SATB2: variants seen among roughly 807,000 people sequenced by gnomAD.
SATB2 encodes SATB homeobox 2.
In SATB2, 1 loss-of-function variant was observed where a neutral mutation model predicts 73.4. That is an observed-to-expected ratio of 0.01 (90% CI 0.00 to 0.06). The LOEUF (loss-of-function observed/expected upper bound fraction) is 0.06, where lower values mean the gene tolerates loss of function less well. Ranked by LOEUF, SATB2 falls within the 10% of genes least tolerant of loss-of-function variation. The pLI is 1.00. For missense variants in SATB2, 459 were observed against 945.8 expected, an observed-to-expected ratio of 0.49 and a Z score of 6.75; for synonymous variants, 397 against 367.0, an observed-to-expected ratio of 1.08 and a Z score of -0.93.
At chr2:199,283,123 G>A (rs532882953) in intron 10 of SATB2, among the ~76,000 whole-genome samples, 181 of 144,762 alleles carry the variant, frequency 1.3e-3, no homozygotes, top group African/African-American at 4.4e-3. Context: ...TCACTCTGTC[G>A]CCCAGGCTGG....
At chr2:199,309,327 G>T (rs1687529217) in intron 9 of SATB2, among the ~76,000 whole-genome samples, 1 of 152,206 alleles carries the variant, frequency 6.6e-6, no homozygotes, top group South Asian at 2.1e-4. Flanking sequence ...TGCTAAGAGT[G>T]AAGATAAACA....
intron 10 of SATB2, among the ~76,000 whole-genome samples, chr2:199,307,051 GC>G (rs1034626630): frequency 1.1e-4 from 17 of 151,912 alleles, no homozygotes; most frequent in African/African-American, 4.1e-4. Flanking sequence ...CAAGTCCTTG[GC>G]CTTGTGTTGG....
chr2:199,285,780 C>T (rs6748309), intron 10 of SATB2, among the ~76,000 whole-genome samples: 151,230 of 151,504 alleles, frequency 1, 75,479 homozygotes, highest in Middle Eastern at 1. Context: ...TGGCAGTCAA[C>T]AAAAGAAGAC....
rs766538501 is a variant in SATB2 at position 199,271,016 on chromosome 2, G to C, written c.*1195C>G. On this transcript the variant is annotated 3_prime_UTR_variant, in exon 11 of 11. Transcript: ENST00000417098. ...ATGTCTTTTGGGAGAGGGAAGGATGGAGATTTATTTGAGAGGGAGCCCCTT... is the reference window on the plus strand; with the variant it reads ...ATGTCTTTTGGGAGAGGGAAGGATGCAGATTTATTTGAGAGGGAGCCCCTT... 6.6e-6 allele frequency: 1 copy of C among 152,336 alleles called. No homozygotes were observed. The highest frequency in any genetic ancestry group is 1.5e-5 in the Non-Finnish European group (1 of 68,048). The allele number at this position is 152,336 out of a possible 1,614,324, so 9.4% of individuals were successfully genotyped here.
chr2:199,461,869 G>A (rs895944323), upstream of SATB2, among the ~76,000 whole-genome samples: 8 of 152,086 alleles, frequency 5.3e-5, no homozygotes, highest in Non-Finnish European at 8.8e-5. Flanking sequence ...CTCTAATGAC[G>A]TTTCTTGATT....
At chr2:199,332,324 G>A (rs1688212298) in intron 7 of SATB2, among the ~76,000 whole-genome samples, 1 of 152,056 alleles carries the variant, frequency 6.6e-6, no homozygotes, top group African/African-American at 2.4e-5. Context: ...ATCTGCACAA[G>A]GTAGAGAGAT....
At chr2:199,292,228 C>A (rs1017040621) in intron 10 of SATB2, among the ~76,000 whole-genome samples, 16 of 152,272 alleles carry the variant, frequency 1.1e-4, no homozygotes, top group Admixed American at 1.0e-3. Flanking sequence ...TAAAGGAAAT[C>A]TCTAAGGTCA....
rs187351448 is a variant in SATB2, at chr2:199,279,911, C to T, written c.1741-7239G>A. Among the ~76,000 whole-genome samples, 16 of 152,286 alleles carry T rather than the reference C, an allele frequency of 1.1e-4. No individual in the cohort carries two copies. The South Asian group carries it at 2.7e-3, about 26-fold the overall frequency. ...ATCCCAACACTTTGGGAGGCCAAGG[C>T]GGGCGGATCACTTGAGTTCAGGAGT... On this transcript the variant is annotated intron_variant, in intron 10 of 10. Coordinates refer to ENST00000417098, the MANE Select transcript of SATB2 (RefSeq NM_001172509.2).
chr2:199,280,554 T>G (rs1273891054), intron 10 of SATB2, among the ~76,000 whole-genome samples: 1 of 152,092 alleles, frequency 6.6e-6, no homozygotes, highest in Non-Finnish European at 1.5e-5. Context: ...AAGGAACATA[T>G]CTGAGAAAGA....
rs1265520683 is a variant in SATB2 at position 199,328,745 on chromosome 2, T to C, written c.1339A>G (p.Met447Val). The C allele has an allele frequency of 1.9e-6, 3 of 1,613,780 alleles. No homozygotes were observed. The highest frequency in any genetic ancestry group is 2.5e-6 in the Non-Finnish European group (3 of 1,179,932). ...GGACTGCTGGAGGCCGAGGAGACCA[T>C]GCTCACATTGGGATTCATGCTCCGC... ...RERSMNPNVS[M>V]VSSASSSPSS... Residue 447 changes from methionine (M) to valine (V), a missense_variant, in exon 8 of 11, where the codon ATG becomes GTG. Around this residue, in one of 13 missense-constraint regions of SATB2, gnomAD observed 53 missense variants for 70.5 expected, o/e 0.75. Transcript: ENST00000417098.
chr2:199,470,601 T>G (rs1186407745), intron 1 of SATB2: 1 of 152,372 alleles, frequency 6.6e-6, no homozygotes, highest in Non-Finnish European at 1.5e-5. Flanking sequence ...GTATGGCTGC[T>G]ATACACCAAC....
At chr2:199,334,274 T>C (rs1052938257) in intron 7 of SATB2, among the ~76,000 whole-genome samples, 1 of 152,206 alleles carries the variant, frequency 6.6e-6, no homozygotes, top group African/African-American at 2.4e-5. Context: ...TCCCCTCATA[T>C]TATATTTTAA....
intron 2 of SATB2, among the ~76,000 whole-genome samples, chr2:199,441,185 C>A (rs777892006): frequency 6.6e-6 from 1 of 151,978 alleles, no homozygotes; most frequent in Non-Finnish European, 1.5e-5. Flanking sequence ...GCCATACATA[C>A]AATAATTCAA....
intron 3 of SATB2, among the ~76,000 whole-genome samples, chr2:199,400,991 C>T (rs1437630742): frequency 6.6e-6 from 1 of 152,130 alleles, no homozygotes; most frequent in African/African-American, 2.4e-5. Context: ...AGGCCTGACT[C>T]AACTAATTCA....
chr2:199,397,919 A>G, intron 3 of SATB2: 1 of 279,152 alleles, frequency 3.6e-6, no homozygotes, highest in Non-Finnish European at 7.4e-6. Flanking sequence ...GTAGTTTAGC[A>G]GAGTGCTATG....
At chr2:199,419,902 GA>G (rs901857529) in intron 3 of SATB2, among the ~76,000 whole-genome samples, 2 of 151,706 alleles carry the variant, frequency 1.3e-5, no homozygotes, top group Non-Finnish European at 2.9e-5. Context: ...ACCCCCTGAA[GA>G]AAAAAATAAA....
chr2:199,382,880 C>A (rs911989179), intron 3 of SATB2, among the ~76,000 whole-genome samples: 3 of 152,110 alleles, frequency 2.0e-5, no homozygotes, highest in Non-Finnish European at 4.4e-5. Context: ...TCCAACTACA[C>A]TGTTCTTTAA....
At chr2:199,451,623 A>G (rs1175553797) in intron 2 of SATB2, among the ~76,000 whole-genome samples, 1 of 152,056 alleles carries the variant, frequency 6.6e-6, no homozygotes, top group Non-Finnish European at 1.5e-5. Flanking sequence ...ACCTATCTAT[A>G]CTTTCATATC....
intron 6 of SATB2, among the ~76,000 whole-genome samples, chr2:199,360,952 A>T (rs55980974): frequency 6.6e-6 from 1 of 151,744 alleles, no homozygotes; most frequent in African/African-American, 2.4e-5. Context: ...TCCCCCTGGT[A>T]ACTCATCTTC....
Sources: allele counts gnomAD v4.1 joint callset (sites outside exome capture counted in the v4.1 genomes callset), GRCh38; gene constraint gnomAD v4.1.1; regional missense constraint gnomAD v4.1.1; transcripts MANE v1.5; gene names NCBI Gene and HGNC (gene_info 2026-07-23, HGNC 2026-07-21).